TNK2: variants seen among roughly 807,000 people sequenced by gnomAD.
The protein encoded by TNK2 is tyrosine kinase non receptor 2.
Under a neutral mutation model 101.8 loss-of-function variants are expected in TNK2, and 83 were observed. The ratio of observed to expected loss-of-function variants is 0.82; its 90% CI spans 0.68 to 0.98. The LOEUF (loss-of-function observed/expected upper bound fraction) is 0.98. Among genes scored for constraint, TNK2 ranks in the 50% least tolerant of loss-of-function variants. The probability of loss-of-function intolerance (pLI) is 0.00; values close to 1 mark genes in which losing one functional copy is unlikely to be tolerated. For synonymous variants in TNK2, 804 were observed against 633.0 expected (o/e 1.27, Z -4.06); for missense variants, 1,665 against 1,483.2 (o/e 1.12, Z -2.01).
chr3:195,870,321 C>T (rs1169833880), intron 10 of TNK2, 116 bp from the exon 11 acceptor site: 1 of 1,537,280 alleles, frequency 6.5e-7, no homozygotes, highest in African/African-American at 1.4e-5. Context: ...GTCTGAAGCA[C>T]AGGCCTCCCG....
In TNK2 at chr3:195,882,837, G is replaced by A. The variant is rs865990142; in HGVS notation, c.609+320C>T. Among the ~76,000 whole-genome samples the A allele has an allele frequency of 4.6e-5, 7 of 152,148 alleles. No homozygotes were observed. The highest frequency in any genetic ancestry group is 4.1e-4 in the South Asian group (2 of 4,828). The stretch of plus-strand genomic sequence containing the variant: ...CATGCCATTGCACTCCAGCCTGGGC[G>A]ACAAAGTGAGACTCCATCTCAAAAT... On this transcript the variant is annotated intron_variant, in intron 5 of 15. Coordinates refer to ENST00000672887, the MANE Select transcript of TNK2 (RefSeq NM_001382273.1). This position sits in a 1 kb window ranked among gnomAD's most constrained non-coding sequence, Gnocchi z 4.2.
chr3:195,902,757 T>C (rs1761345353), intron 1 of TNK2, among the ~76,000 whole-genome samples: 1 of 151,270 alleles, frequency 6.6e-6, no homozygotes, highest in African/African-American at 2.4e-5. Context: ...TTTTTTGTTT[T>C]GTTTTGTCTT....
chr3:195,878,704 C>A lies in TNK2; in HGVS notation c.1015-112G>T. Reference sequence around the variant, plus strand: ...CAGCGGCTGCTGCCATGCCTGGCCTCCAAAGAAGGGATCTGCCTGCCTGGG... The same window carrying A: ...CAGCGGCTGCTGCCATGCCTGGCCTACAAAGAAGGGATCTGCCTGCCTGGG... On this transcript the variant is annotated intron_variant, in intron 7 of 15. Transcript: ENST00000672887. The surrounding 1 kb of genome is among the most constrained non-coding windows in gnomAD (Gnocchi z 4.7). 6.9e-7 allele frequency: 1 copy of A among 1,452,508 alleles called. No homozygotes were observed. The highest frequency in any genetic ancestry group is 9.2e-7 in the Non-Finnish European group (1 of 1,086,488). 90.0% of individuals were successfully genotyped at this position (1,452,508 alleles called of 1,614,324 possible).
In TNK2 at chr3:195,867,638, T is replaced by A. The variant is rs1741806326; in HGVS notation, c.2660A>T (p.Tyr887Phe). The stretch of plus-strand genomic sequence containing the variant: ...CTGGGCCTCACGCAGGAAGCGCTGG[T>A]AGCGCTCCAGGTAGGATGGTCGCTC... ...LPERPSYLER[Y>F]QRFLREAQSP... The change falls in exon 13 of 16, where the codon TAC (tyrosine) becomes TTC (phenylalanine). Residue 887 changes from tyrosine (Y) to phenylalanine (F), a missense_variant. By Grantham distance (22) the Tyr-to-Phe change is conservative. Coordinates refer to ENST00000672887, the MANE Select transcript of TNK2 (RefSeq NM_001382273.1). The A allele has an allele frequency of 1.9e-6, 3 of 1,601,944 alleles. No individual in the cohort carries two copies. The highest frequency in any genetic ancestry group is 2.5e-6 in the Non-Finnish European group (3 of 1,179,510).
At chr3:195,871,932 C>G (rs12497548) in intron 10 of TNK2, among the ~76,000 whole-genome samples, 5 of 139,606 alleles carry the variant, frequency 3.6e-5, no homozygotes, top group Non-Finnish European at 6.1e-5. Flanking sequence ...CCTGGAGAAC[C>G]CTCCCCTGGA....
rs747841835 is a variant in TNK2 at position 195,868,420 on chromosome 3, T to C, written c.1878A>G (p.Ala626=). 1.9e-6 allele frequency: 3 copies of C among 1,571,542 alleles called. No individual in the cohort carries two copies. Among genetic ancestry groups the C allele is most frequent in the Admixed American group, 3.6e-5 (2 of 55,002 alleles). ...GCGTGGGGTGCAGGGGCCGGGGCAGTGCCCGCGTGGGGCTCTGAGGCGGGG... is the reference window on the plus strand; with the variant it reads ...GCGTGGGGTGCAGGGGCCGGGGCAGCGCCCGCGTGGGGCTCTGAGGCGGGG... ...DETPPQSPTR[A]LPRPLHPTPV... The change falls in exon 13 of 16, where the codon GCA becomes GCG. Residue 626 remains alanine (A), a synonymous_variant. Transcript: ENST00000672887.
intron 15 of TNK2, among the ~76,000 whole-genome samples, chr3:195,865,095 A>C (rs540705506): frequency 7.1e-6 from 1 of 141,182 alleles, no homozygotes; most frequent in East Asian, 2.3e-4. Context: ...CCAGGTGCAA[A>C]TCAGTAAGAA....
In TNK2 at chr3:195,886,849, G is replaced by T; in HGVS notation, c.234+128C>A. On this transcript the variant is annotated intron_variant, in intron 3 of 15. Coordinates refer to ENST00000672887, the MANE Select transcript of TNK2 (RefSeq NM_001382273.1). The surrounding 1 kb of genome is among the most constrained non-coding windows in gnomAD (Gnocchi z 4.2). ...ATAAGACCCTGGACGAGGGGGTCCT[G>T]TACAAAGTGCCGGCAGAACGGCGAG... 9.6e-7 allele frequency: 1 copy of T among 1,036,844 alleles called. No homozygotes were observed. The highest frequency in any genetic ancestry group is 1.5e-6 in the Non-Finnish European group (1 of 661,350). 64.2% of individuals were successfully genotyped at this position (1,036,844 alleles called of 1,614,324 possible). A position where few individuals can be genotyped will look rare whatever the true frequency, so the allele number is the denominator to read the frequency against.
At chr3:195,870,496 G>T in intron 10 of TNK2, 1 of 988,708 alleles carries the variant, frequency 1.0e-6, no homozygotes, top group Non-Finnish European at 1.4e-6. Context: ...CAGGCCCCCA[G>T]CCCACACCAG....
intron 1 of TNK2, among the ~76,000 whole-genome samples, chr3:195,893,946 A>G (rs562306317): frequency 6.6e-6 from 1 of 152,272 alleles, no homozygotes; most frequent in South Asian, 2.1e-4. Context: ...GGAGGTGGGG[A>G]GAAGGACACC....
chr3:195,874,366 CCTT>C (rs902784999), intron 9 of TNK2, among the ~76,000 whole-genome samples: 31 of 152,356 alleles, frequency 2.0e-4, no homozygotes, highest in African/African-American at 7.0e-4. Context: ...AGCCCACCTC[CCTT>C]AGTGCAGGTA....
In TNK2 at chr3:195,885,041, A is replaced by G. The variant is rs770721536; in HGVS notation, c.235-8T>C. The G allele has an allele frequency of 7.0e-6, 11 of 1,582,076 alleles. No homozygotes were observed. The East Asian group carries it at 2.5e-4, about 36-fold the overall frequency. Reference sequence around the variant, plus strand: ...TCGCTTTCCACTGAACACCTGTTTGAAGGCAGCCGGGGGCCAGATGGAATC... The same window carrying G: ...TCGCTTTCCACTGAACACCTGTTTGGAGGCAGCCGGGGGCCAGATGGAATC... On this transcript the variant is annotated splice_polypyrimidine_tract_variant and splice_region_variant and intron_variant, in intron 3 of 15. Transcript: ENST00000672887. This position sits in a 1 kb window ranked among gnomAD's most constrained non-coding sequence, Gnocchi z 4.7.
At position 195,886,989 on chromosome 3, in the gene TNK2, C is replaced by A. The variant is rs779149820; in HGVS notation, c.222G>T (p.Ser74=). 6.2e-7 allele frequency: 1 copy of A among 1,614,068 alleles called. No individual in the cohort carries two copies. The highest frequency in any genetic ancestry group is 8.5e-7 in the Non-Finnish European group (1 of 1,179,954). Residue 74 remains serine, a synonymous_variant, in exon 3 of 16, where the codon TCG becomes TCT. Coordinates refer to ENST00000672887, the MANE Select transcript of TNK2 (RefSeq NM_001382273.1). The surrounding 1 kb of genome is among the most constrained non-coding windows in gnomAD (Gnocchi z 4.2). Reference sequence around the variant, plus strand: ...CCTCCTCACCCACCTTACTCATCCACGACTTGCGTTTGCACAAGGCCTTCC... The same window carrying A: ...CCTCCTCACCCACCTTACTCATCCAAGACTTGCGTTTGCACAAGGCCTTCC... ...KRRKALCKRK[S]WMSKVFSGKR...
At chr3:195,884,751 G>A in intron 4 of TNK2, 61 bp downstream of exon 4, 2 of 1,483,182 alleles carry the variant, frequency 1.3e-6, no homozygotes, top group Admixed American at 2.0e-5. Context: ...GGGGGCAGAA[G>A]AGCCACTACC....
In TNK2 at chr3:195,878,620, C is replaced by A; in HGVS notation, c.1015-28G>T. 1 of 1,602,954 alleles carries A rather than the reference C, an allele frequency of 6.2e-7. No homozygotes were observed. Among genetic ancestry groups the A allele is most frequent in the Non-Finnish European group, 8.5e-7 (1 of 1,173,284 alleles). On this transcript the variant is annotated intron_variant, in intron 7 of 15. Coordinates refer to ENST00000672887, the MANE Select transcript of TNK2 (RefSeq NM_001382273.1). The surrounding 1 kb of genome is among the most constrained non-coding windows in gnomAD (Gnocchi z 4.7). The stretch of plus-strand genomic sequence containing the variant: ...GAAGGTGAGGAGGTGCAGAGTTTGA[C>A]GACAAACAGAGCGCCCAGCCCTTCA...
At chr3:195,868,934 G>A (rs912634439) in intron 12 of TNK2, 4 of 565,822 alleles carry the variant, frequency 7.1e-6, no homozygotes, top group Non-Finnish European at 1.2e-5. Context: ...ATGTGGGCCG[G>A]TGAGCCCCGC....
Position 195,873,350 on chromosome 3 carries a change from C to T in TNK2, c.1257-880G>A, listed in dbSNP as rs908127894. On this transcript the variant is annotated intron_variant, in intron 9 of 15. Coordinates refer to ENST00000672887, the MANE Select transcript of TNK2 (RefSeq NM_001382273.1). ...GACACTCCTGACTCCCGAAGGCTCTCACAGGTTGTGAGGCTCCCGCGTCTG... is the reference window on the plus strand; with the variant it reads ...GACACTCCTGACTCCCGAAGGCTCTTACAGGTTGTGAGGCTCCCGCGTCTG... 2.0e-5 allele frequency among the ~76,000 whole-genome samples: 3 copies of T among 152,248 alleles called. No individual in the cohort carries two copies. In the East Asian group the frequency reaches 5.8e-4, roughly 29 times the overall value.
At chr3:195,877,579 C>G (rs1354905541) in intron 9 of TNK2, among the ~76,000 whole-genome samples, 1 of 152,224 alleles carries the variant, frequency 6.6e-6, no homozygotes, top group Non-Finnish European at 1.5e-5. Context: ...GTACCTGAAA[C>G]CTGCCCTGCC....
At position 195,869,536 on chromosome 3, in the gene TNK2, G is replaced by A; in HGVS notation, c.1549C>T (p.Pro517Ser). The A allele has an allele frequency of 1.3e-6, 2 of 1,551,170 alleles. No individual in the cohort carries two copies. The highest frequency in any genetic ancestry group is 1.7e-6 in the Non-Finnish European group (2 of 1,146,992). The stretch of plus-strand genomic sequence containing the variant: ...GCAGGCTGAGGTGGGCGAGGTGGAG[G>A]CTCCCCTGCAAGAAAGGCCATGCGG... ...PQHLGGVKREPPPRPPQPAFF... is the reference protein window; with the variant it reads ...PQHLGGVKRESPPRPPQPAFF... The change falls in exon 12 of 16, where the codon CCT (proline) becomes TCT (serine). Residue 517 changes from proline (P) to serine (S), a missense_variant. By Grantham distance (74) the Pro-to-Ser change is moderately conservative (BLOSUM62 -1). Coordinates refer to ENST00000672887, the MANE Select transcript of TNK2 (RefSeq NM_001382273.1).
Sources: allele counts gnomAD v4.1 joint callset (sites outside exome capture counted in the v4.1 genomes callset), GRCh38; gene constraint gnomAD v4.1.1; non-coding constraint Gnocchi (gnomAD v3.1); transcripts MANE v1.5; gene names NCBI Gene and HGNC (gene_info 2026-07-23, HGNC 2026-07-21).